Variants in PCDH19 observed in about 807,000 individuals in gnomAD.
PCDH19 encodes protocadherin 19.
A neutral mutation model predicts 46.2 loss-of-function variants in PCDH19; 6 were observed. That is an observed-to-expected ratio of 0.13 (90% CI 0.07 to 0.26). PCDH19 has a LOEUF of 0.26. Among genes scored for constraint, PCDH19 ranks in the 10% least tolerant of loss-of-function variants. The pLI, the probability that PCDH19 is intolerant of heterozygous loss-of-function variation, is 1.00. For synonymous variants in PCDH19, 481 were observed against 415.7 expected (o/e 1.16, Z -1.91); for missense variants, 740 against 972.3 (o/e 0.76, Z 3.18).
chrX:100,363,094 T>C (rs1213210875), intron 3 of PCDH19, among the ~76,000 whole-genome samples: 1 of 110,807 alleles, frequency 9.0e-6, no homozygotes, highest in African/African-American at 3.3e-5. Flanking sequence ...TCACCTGACG[T>C]CAGGAGTTTG....
chrX:100,370,993 A>ATGTGTGTGTG (rs59834814), intron 3 of PCDH19, among the ~76,000 whole-genome samples: 2 of 98,382 alleles, frequency 2.0e-5, no homozygotes, highest in Non-Finnish European at 4.1e-5. Context: ...GTGTGTGTGC[A>ATGTGTGTGTG]TGTGTGTGTG....
At chrX:100,313,956 T>C (rs1429943116) in intron 5 of PCDH19, among the ~76,000 whole-genome samples, 2 of 109,779 alleles carry the variant, frequency 1.8e-5, no homozygotes, top group African/African-American at 6.7e-5. Context: ...AATAAGATGC[T>C]TATAGGACAC....
chrX:100,295,253 T>C lies in PCDH19; in HGVS notation c.*1024A>G, dbSNP rs1924558728. Reference sequence around the variant, plus strand: ...GATCTTAAAATAGATTCAGTCATCTTCAATTTTAGATGATTGGAGAGAGGG... The same window carrying C: ...GATCTTAAAATAGATTCAGTCATCTCCAATTTTAGATGATTGGAGAGAGGG... On this transcript the variant is annotated 3_prime_UTR_variant, in exon 6 of 6. Transcript: ENST00000373034. 8.9e-6 allele frequency: 1 copy of C among 112,328 alleles called. No individual in the cohort carries two copies. The highest frequency in any genetic ancestry group is 3.2e-5 in the African/African-American group (1 of 30,881). The allele number at this position is 112,328 out of a possible 1,213,427, so 9.3% of individuals were successfully genotyped here.
In PCDH19 at chrX:100,391,044, T is replaced by C. The variant is rs138762013; in HGVS notation, c.2616+11480A>G. Reference sequence around the variant, plus strand: ...CAACTGCATTAGAAGTTGCATAATTTGGTTAGACTGACCTTAGAATGGAAT... The same window carrying C: ...CAACTGCATTAGAAGTTGCATAATTCGGTTAGACTGACCTTAGAATGGAAT... On this transcript the variant is annotated intron_variant, in intron 3 of 5. Coordinates refer to ENST00000373034, the MANE Select transcript of PCDH19 (RefSeq NM_001184880.2). Among the ~76,000 whole-genome samples the C allele has an allele frequency of 9.9e-3, 1,106 of 112,011 alleles. 14 individuals are homozygous for C. The highest frequency in any genetic ancestry group is 0.034 in the African/African-American group (1,047 of 30,839).
intron 3 of PCDH19, among the ~76,000 whole-genome samples, chrX:100,386,427 T>C (rs956819678): frequency 8.9e-6 from 1 of 112,211 alleles, no homozygotes; most frequent in Non-Finnish European, 1.9e-5. Context: ...TTGCTTTCGA[T>C]CTTCTTATCA....
At chrX:100,381,059 G>A (rs1160834320) in intron 3 of PCDH19, among the ~76,000 whole-genome samples, 1 of 112,069 alleles carries the variant, frequency 8.9e-6, no homozygotes. Flanking sequence ...CTGGTTCTAA[G>A]CAATCTTCTT....
At chrX:100,382,023 T>C (rs1258634142) in intron 3 of PCDH19, among the ~76,000 whole-genome samples, 1 of 109,336 alleles carries the variant, frequency 9.1e-6, no homozygotes, top group African/African-American at 3.3e-5. Flanking sequence ...TGTACTGAAA[T>C]GAACAGAAAA....
chrX:100,407,875 G>A lies in PCDH19; in HGVS notation c.723C>T (p.Ser241=). 1 of 1,212,081 alleles carries A rather than the reference G, an allele frequency of 8.3e-7. No individual in the cohort carries two copies. Among genetic ancestry groups the A allele is most frequent in the Non-Finnish European group, 1.1e-6 (1 of 895,486 alleles). Residue 241 remains serine (S), a synonymous_variant, in exon 1 of 6, where the codon TCC becomes TCT. Coordinates refer to ENST00000373034, the MANE Select transcript of PCDH19 (RefSeq NM_001184880.2). ...SNDNNPVFSE[S]TYAVSVPENS... ...TTTCTGGCACGCTCACCGCGTAGGT[G>A]GACTCGCTAAACACCGGGTTGTTGT...
At chrX:100,315,875 A>G (rs1925287699) in intron 5 of PCDH19, among the ~76,000 whole-genome samples, 1 of 111,941 alleles carries the variant, frequency 8.9e-6, no homozygotes, top group Non-Finnish European at 1.9e-5. Context: ...TAGGCATCCC[A>G]GTCCCAAGTT....
At chrX:100,394,222 A>G (rs1290285947) in intron 3 of PCDH19, among the ~76,000 whole-genome samples, 1 of 112,211 alleles carries the variant, frequency 8.9e-6, no homozygotes, top group African/African-American at 3.2e-5. Flanking sequence ...GAGCTCAAGG[A>G]GAACACAGAC....
At chrX:100,404,920 A>G (rs1288099197) in intron 1 of PCDH19, among the ~76,000 whole-genome samples, 1 of 112,096 alleles carries the variant, frequency 8.9e-6, no homozygotes, top group Admixed American at 9.5e-5. Context: ...TAAGAGCAAT[A>G]TTAATTTACA....
intron 3 of PCDH19, among the ~76,000 whole-genome samples, chrX:100,378,173 G>A (rs986109073): frequency 8.9e-6 from 1 of 112,600 alleles, no homozygotes; most frequent in East Asian, 2.8e-4. Context: ...AAGAGAAAGC[G>A]AGCTGGCAGT....
At chrX:100,381,556 A>C (rs998221572) in intron 3 of PCDH19, among the ~76,000 whole-genome samples, 1 of 111,877 alleles carries the variant, frequency 8.9e-6, no homozygotes, top group Admixed American at 9.5e-5. Context: ...CATCCCATGG[A>C]ACATTTTAGG....
intron 3 of PCDH19, among the ~76,000 whole-genome samples, chrX:100,386,534 C>T (rs2147520749): frequency 8.9e-6 from 1 of 111,920 alleles, no homozygotes; most frequent in Non-Finnish European, 1.9e-5. Flanking sequence ...ATCACATTAA[C>T]TTTTTCCAAA....
intron 3 of PCDH19, among the ~76,000 whole-genome samples, chrX:100,388,013 T>G (rs892723127): frequency 2.7e-5 from 3 of 111,419 alleles, no homozygotes; most frequent in Admixed American, 9.5e-5. Context: ...TTACGGTTAA[T>G]TTAAGTAATT....
At chrX:100,367,971 T>C (rs1927115782) in intron 3 of PCDH19, among the ~76,000 whole-genome samples, 1 of 111,018 alleles carries the variant, frequency 9.0e-6, no homozygotes, top group Admixed American at 9.6e-5. Flanking sequence ...GCAAGTTACA[T>C]ATAAATGTCA....
chrX:100,359,399 C>T (rs1454101950), intron 3 of PCDH19, among the ~76,000 whole-genome samples: 2 of 112,008 alleles, frequency 1.8e-5, no homozygotes, highest in African/African-American at 6.5e-5. Context: ...CTCACAGAGC[C>T]CAAGGGATCC....
intron 4 of PCDH19, 138 bp from the exon 5 acceptor site, chrX:100,342,213 G>A: frequency 1.8e-6 from 1 of 549,489 alleles, no homozygotes; most frequent in Non-Finnish European, 3.2e-6. Context: ...AAGGGGAAGA[G>A]AAATTTGTGC....
intron 5 of PCDH19, among the ~76,000 whole-genome samples, chrX:100,335,210 A>G (rs1179209671): frequency 8.9e-6 from 1 of 111,777 alleles, no homozygotes; most frequent in Non-Finnish European, 1.9e-5. Flanking sequence ...AAAAAAAGAA[A>G]AAGCTCCACC....
Sources: allele counts gnomAD v4.1 joint callset (sites outside exome capture counted in the v4.1 genomes callset), GRCh38; gene constraint gnomAD v4.1.1; transcripts MANE v1.5; gene names NCBI Gene and HGNC (gene_info 2026-07-23, HGNC 2026-07-21).